SPIDR: variants seen among roughly 807,000 people sequenced by gnomAD.
The protein encoded by SPIDR is DNA repair-scaffolding protein.
SPIDR carries 93 observed loss-of-function variants against 104.6 expected under a neutral mutation model. That is an observed-to-expected ratio of 0.89 (90% CI 0.75 to 1.06). The LOEUF is 1.06. Among genes scored for constraint, SPIDR ranks in the 50% least tolerant of loss-of-function variants. The pLI, the probability that SPIDR is intolerant of heterozygous loss-of-function variation, is 0.00. For missense variants in SPIDR, 1,154 were observed against 1,111.2 expected, an observed-to-expected ratio of 1.04 and a Z score of -0.55; for synonymous variants, 431 against 416.9, an observed-to-expected ratio of 1.03 and a Z score of -0.41.
chr8:47,319,493 A>G (rs1246030115), intron 5 of SPIDR, among the ~76,000 whole-genome samples: 3 of 152,160 alleles, frequency 2.0e-5, no homozygotes, highest in East Asian at 1.9e-4. Context: ...CACAATAATA[A>G]TGGGAGACTT....
At chr8:47,604,044 G>C (rs2062640734) in intron 10 of SPIDR, among the ~76,000 whole-genome samples, 1 of 152,112 alleles carries the variant, frequency 6.6e-6, no homozygotes, top group African/African-American at 2.4e-5. Context: ...TTGTCTCTGT[G>C]CTCCTGGAGC....
chr8:47,482,006 G>T (rs1207320564), intron 8 of SPIDR, among the ~76,000 whole-genome samples: 1 of 152,140 alleles, frequency 6.6e-6, no homozygotes, highest in Non-Finnish European at 1.5e-5. Context: ...TTTTGGCATG[G>T]TTCTTCATGT....
intron 8 of SPIDR, among the ~76,000 whole-genome samples, chr8:47,518,056 A>G (rs1328561489): frequency 1.3e-5 from 2 of 152,164 alleles, no homozygotes; most frequent in Non-Finnish European, 2.9e-5. Context: ...TTAAATTCTA[A>G]GGTTGTTAAT....
intron 5 of SPIDR, among the ~76,000 whole-genome samples, chr8:47,314,281 A>G (rs781800520): frequency 5.9e-5 from 9 of 152,238 alleles, no homozygotes; most frequent in Non-Finnish European, 1.2e-4. Flanking sequence ...TAACTAAAAA[A>G]CAAGAGAAGT....
intron 5 of SPIDR, among the ~76,000 whole-genome samples, chr8:47,369,908 T>C (rs1048062853): frequency 2.6e-5 from 4 of 151,538 alleles, no homozygotes; most frequent in Non-Finnish European, 5.9e-5. Flanking sequence ...TTTGTCTGGA[T>C]TTTTTTTTGT....
At chr8:47,321,282 C>T (rs1447985055) in intron 5 of SPIDR, among the ~76,000 whole-genome samples, 3 of 152,092 alleles carry the variant, frequency 2.0e-5, no homozygotes, top group Non-Finnish European at 4.4e-5. Flanking sequence ...AAATCACAAG[C>T]ATTCTTATAC....
At chr8:47,653,816 C>G (rs1361770468) in intron 10 of SPIDR, among the ~76,000 whole-genome samples, 1 of 149,150 alleles carries the variant, frequency 6.7e-6, no homozygotes, top group African/African-American at 2.5e-5. Context: ...AAGAGCTCCT[C>G]AAGTTATTAT....
chr8:47,461,018 G>A (rs1490570592), intron 8 of SPIDR, among the ~76,000 whole-genome samples: 1 of 152,206 alleles, frequency 6.6e-6, no homozygotes, highest in Non-Finnish European at 1.5e-5. Context: ...GGTGTCTGCT[G>A]AGAAATCTGC....
At chr8:47,691,988 A>G (rs192269014) in intron 11 of SPIDR, among the ~76,000 whole-genome samples, 1 of 152,278 alleles carries the variant, frequency 6.6e-6, no homozygotes, top group African/African-American at 2.4e-5. Context: ...ATTTCCTGGA[A>G]GCTTTGAGAT....
intron 10 of SPIDR, among the ~76,000 whole-genome samples, chr8:47,620,491 C>T (rs1234739590): frequency 6.6e-6 from 1 of 152,072 alleles, no homozygotes; most frequent in Non-Finnish European, 1.5e-5. Flanking sequence ...TGGTCTCGAA[C>T]TCCTGACCCC....
intron 10 of SPIDR, among the ~76,000 whole-genome samples, chr8:47,655,708 G>C (rs939656257): frequency 1.3e-5 from 2 of 152,142 alleles, no homozygotes; most frequent in Non-Finnish European, 2.9e-5. Context: ...TTCTTTTGCT[G>C]TGCAGAAGCT....
intron 5 of SPIDR, among the ~76,000 whole-genome samples, chr8:47,375,233 CTTTTTTTTTTTTTTTT>C (rs869038432): frequency 1.9e-5 from 1 of 53,346 alleles, no homozygotes; most frequent in South Asian, 6.1e-4. Context: ...AGTTAATAGG[CTTTTTTTTTTTTTTTT>C]TTTTTTTTTT....
At chr8:47,717,106 G>C (rs906579561) in intron 16 of SPIDR, among the ~76,000 whole-genome samples, 2 of 152,142 alleles carry the variant, frequency 1.3e-5, no homozygotes, top group Non-Finnish European at 2.9e-5. Context: ...ACAGGGACAG[G>C]GCATATGGTG....
intron 5 of SPIDR, among the ~76,000 whole-genome samples, chr8:47,331,825 T>G (rs1181489893): frequency 2.0e-5 from 3 of 152,042 alleles, no homozygotes; most frequent in Non-Finnish European, 4.4e-5. Context: ...ACACTTAGCT[T>G]AAAACATAAA....
chr8:47,464,755 C>A (rs1554715976), intron 8 of SPIDR, among the ~76,000 whole-genome samples: 1 of 151,714 alleles, frequency 6.6e-6, no homozygotes, highest in Non-Finnish European at 1.5e-5. Flanking sequence ...CCTCATTTTT[C>A]TTTTGTTTTT....
At chr8:47,658,282 G>T (rs1281167840) in intron 10 of SPIDR, among the ~76,000 whole-genome samples, 1 of 151,958 alleles carries the variant, frequency 6.6e-6, no homozygotes, top group Non-Finnish European at 1.5e-5. Flanking sequence ...GCTGGGCATA[G>T]TGGCACATGC....
At chr8:47,452,432 T>G (rs1253639204) in intron 8 of SPIDR, among the ~76,000 whole-genome samples, 1 of 151,996 alleles carries the variant, frequency 6.6e-6, no homozygotes, top group Non-Finnish European at 1.5e-5. Context: ...TAGACCAATA[T>G]CCCTGATGAA....
rs369299839 is a variant in SPIDR at position 47,595,862 on chromosome 8, C to G, written c.1149C>G (p.Tyr383Ter). 2.5e-6 allele frequency: 4 copies of G among 1,614,096 alleles called. No homozygotes were observed. In the African/African-American group the frequency reaches 5.3e-5, roughly 22 times the overall value. ...SGSCPVILNT[Y>*]FCEKVVAKED... ...GTTGCCCTGTTATTCTGAATACTTA[C>G]TTTTGTGAGAAAGTTGTTGCCAAAG... The change falls in exon 9 of 20, where the codon TAC becomes TAG. Residue 383 changes from tyrosine (Y) to a stop codon, truncating the protein, a stop_gained. Coordinates refer to ENST00000297423, the MANE Select transcript of SPIDR (RefSeq NM_001080394.4). LOFTEE classifies it high-confidence loss of function.
intron 8 of SPIDR, among the ~76,000 whole-genome samples, chr8:47,528,633 A>G (rs762854637): frequency 1.3e-5 from 2 of 152,188 alleles, no homozygotes; most frequent in Non-Finnish European, 2.9e-5. Flanking sequence ...AATCCTAGAA[A>G]CCGAAGGCAC....
Sources: gnomAD v4.1 joint callset for allele counts (sites outside exome capture counted in the v4.1 genomes callset) on GRCh38, gnomAD v4.1.1 for gene constraint, MANE v1.5 for transcripts, NCBI Gene and HGNC (gene_info 2026-07-23, HGNC 2026-07-21) for gene names.